Variants in MAST4 observed in about 807,000 individuals in gnomAD.
MAST4 encodes the protein microtubule-associated serine/threonine-protein kinase 4.
In MAST4, 89 loss-of-function variants were observed where a neutral mutation model predicts 162.7. The ratio of observed to expected loss-of-function variants is 0.55; its 90% CI spans 0.46 to 0.65. The LOEUF (loss-of-function observed/expected upper bound fraction) is 0.65, where lower values mean the gene tolerates loss of function less well. MAST4 is among the 30% of genes least tolerant of loss of function. The pLI, the probability that MAST4 is intolerant of heterozygous loss-of-function variation, is 0.00. For synonymous variants in MAST4, 1,479 were observed against 1,361.1 expected (o/e 1.09, Z -1.91); for missense variants, 3,153 against 3,374.0 (o/e 0.93, Z 1.62).
chr5:67,007,522 G>A lies in MAST4; in HGVS notation c.675-46882G>A, dbSNP rs111877999. Among the ~76,000 whole-genome samples the A allele has an allele frequency of 1.5e-3, 223 of 152,264 alleles. 1 individual carries two copies. Among genetic ancestry groups the A allele is most frequent in the African/African-American group, 5.1e-3 (214 of 41,554 alleles). ...TTTGAATATTTTATCCCATCTGTTT[G>A]TTCTGATTAACATTGTAATCTGGAG... On this transcript the variant is annotated intron_variant, in intron 4 of 28. Coordinates refer to ENST00000403625, the MANE Select transcript of MAST4 (RefSeq NM_001164664.2).
intron 2 of MAST4, among the ~76,000 whole-genome samples, chr5:66,763,628 AAG>A: frequency 6.6e-6 from 1 of 152,348 alleles, no homozygotes; most frequent in East Asian, 1.9e-4. Flanking sequence ...TTAATATTGA[AAG>A]AGACTCACAA....
At chr5:66,941,365 C>A (rs1486075374) in intron 4 of MAST4, among the ~76,000 whole-genome samples, 1 of 152,164 alleles carries the variant, frequency 6.6e-6, no homozygotes, top group Admixed American at 6.6e-5. Flanking sequence ...GGATATCTTG[C>A]TGCAGCTTCT....
chr5:66,731,525 A>C lies in MAST4; in HGVS notation c.364-28184A>C, dbSNP rs534478437. Reference sequence around the variant, plus strand: ...CAGAAAAAGAAAAAAATAGGTGCCCATCATTCTATTCAGCTTTTCTATGGC... The same window carrying C: ...CAGAAAAAGAAAAAAATAGGTGCCCCTCATTCTATTCAGCTTTTCTATGGC... On this transcript the variant is annotated intron_variant, in intron 1 of 28. Coordinates refer to ENST00000403625, the MANE Select transcript of MAST4 (RefSeq NM_001164664.2). Among the ~76,000 whole-genome samples, 69 of 152,030 alleles carry C rather than the reference A, an allele frequency of 4.5e-4. 2 individuals carry two copies. Among genetic ancestry groups the C allele is most frequent in the Admixed American group, 4.4e-3 (67 of 15,294 alleles).
intron 4 of MAST4, among the ~76,000 whole-genome samples, chr5:66,972,632 C>G (rs1279376405): frequency 6.6e-6 from 1 of 152,230 alleles, no homozygotes; most frequent in Admixed American, 6.5e-5. Flanking sequence ...TCCTATCCCA[C>G]CTTAGTCTGA....
chr5:66,872,578 T>C (rs942825055), intron 3 of MAST4, among the ~76,000 whole-genome samples: 2 of 152,064 alleles, frequency 1.3e-5, no homozygotes, highest in Admixed American at 1.3e-4. Flanking sequence ...GTCTAGGGCA[T>C]CCCTTCCCGC....
At chr5:67,069,324 TATTCCTTCTAA>T in intron 5 of MAST4, among the ~76,000 whole-genome samples, 1 of 101,504 alleles carries the variant, frequency 9.9e-6, no homozygotes, top group East Asian at 2.1e-4. Flanking sequence ...AATTTTAAAA[TATTCCTTCTAA>T]GGCTGTACCT....
chr5:67,094,214 A>G (rs1270251427), intron 6 of MAST4: 1 of 1,355,280 alleles, frequency 7.4e-7, no homozygotes, highest in East Asian at 2.4e-5. Flanking sequence ...TGATTTGTCC[A>G]CTTGAATTTT....
chr5:66,613,604 C>T (rs1479502789), intron 1 of MAST4, among the ~76,000 whole-genome samples: 2 of 152,058 alleles, frequency 1.3e-5, no homozygotes, highest in Non-Finnish European at 2.9e-5. Context: ...GCCAGGCTGC[C>T]CCAGGCCCCA....
chr5:67,163,662 G>A lies in MAST4; in HGVS notation c.4483G>A (p.Asp1495Asn), dbSNP rs1376421416. The A allele has an allele frequency of 1.9e-6, 3 of 1,608,256 alleles. No individual in the cohort carries two copies. The highest frequency in any genetic ancestry group is 2.5e-6 in the Non-Finnish European group (3 of 1,178,034). The change falls in exon 29 of 29, where the codon GAC becomes AAC. Residue 1495 changes from aspartate (D) to asparagine (N), a missense_variant. Around this residue, in one of 7 missense-constraint regions of MAST4, gnomAD observed 1,644 missense variants for 1,495.0 expected, o/e 1.10. Transcript: ENST00000403625. The surrounding 1 kb of genome is among the most constrained non-coding windows in gnomAD (Gnocchi z 7.0). The part of the protein sequence containing the change: ...PLQSLDENVC[D>N]VPPLSRARPV... ...GCAGAGCCTGGATGAGAACGTGTGCGACGTGCCGCCGCTCAGCCGCGCCCG... is the reference window on the plus strand; with the variant it reads ...GCAGAGCCTGGATGAGAACGTGTGCAACGTGCCGCCGCTCAGCCGCGCCCG...
At chr5:67,112,740 G>A (rs1766396457) in intron 11 of MAST4, among the ~76,000 whole-genome samples, 1 of 152,158 alleles carries the variant, frequency 6.6e-6, no homozygotes, top group Non-Finnish European at 1.5e-5. Context: ...AGCTCCCCAA[G>A]TGCAGTCTTT....
intron 5 of MAST4, among the ~76,000 whole-genome samples, chr5:67,058,252 A>C (rs1359074065): frequency 6.6e-6 from 1 of 152,078 alleles, no homozygotes; most frequent in African/African-American, 2.4e-5. Flanking sequence ...GGGGTCAAAA[A>C]CCTTTTTTAA....
intron 1 of MAST4, among the ~76,000 whole-genome samples, chr5:66,613,291 A>G (rs1461798840): frequency 1.3e-5 from 2 of 149,784 alleles, no homozygotes; most frequent in African/African-American, 4.9e-5. Context: ...TTGGGAAGAA[A>G]GTATGTTTGA....
intron 3 of MAST4, among the ~76,000 whole-genome samples, chr5:66,816,821 G>C (rs1292746397): frequency 6.6e-6 from 1 of 152,160 alleles, no homozygotes. Context: ...TGCACTTTGG[G>C]ATCACCTGGG....
In MAST4 at chr5:67,104,441, G is replaced by C; in HGVS notation, c.1222G>C (p.Asp408His). 6.2e-7 allele frequency: 1 copy of C among 1,613,930 alleles called. No individual in the cohort carries two copies. Among genetic ancestry groups the C allele is most frequent in the Non-Finnish European group, 8.5e-7 (1 of 1,179,832 alleles). ...YSPDNVLPLA[D>H]GVLSFTHHQI... ...TCCTGACAACGTTCTACCCTTAGCA[G>C]ATGGAGTGCTTAGTTTCACTCACCA... The change falls in exon 10 of 29, where the codon GAT (aspartate) becomes CAT (histidine). Residue 408 changes from aspartate (D) to histidine (H), a missense_variant. Around this residue, in one of 7 missense-constraint regions of MAST4, gnomAD observed 360 missense variants for 450.0 expected, o/e 0.80. Transcript: ENST00000403625.
intron 3 of MAST4, among the ~76,000 whole-genome samples, chr5:66,835,467 A>T (rs529546520): frequency 4.0e-5 from 6 of 151,884 alleles, no homozygotes; most frequent in African/African-American, 4.8e-5. Context: ...TTATTATATA[A>T]AAAAAAAGTT....
intron 10 of MAST4, 100 bp from the exon 11 acceptor site, chr5:67,109,998 T>G (rs1258349176): frequency 1.2e-6 from 1 of 806,190 alleles, no homozygotes; most frequent in African/African-American, 1.7e-5. Context: ...TACTCGATTT[T>G]TGAACATTTG....
At chr5:66,902,072 A>G (rs144232505) in intron 4 of MAST4, among the ~76,000 whole-genome samples, 1,808 of 152,322 alleles carry the variant, frequency 0.012, 16 homozygotes, top group Non-Finnish European at 0.02. Flanking sequence ...TTTACTGCAT[A>G]CATGCCTCCT....
intron 3 of MAST4, among the ~76,000 whole-genome samples, chr5:66,829,391 T>C (rs1186476940): frequency 6.6e-6 from 1 of 152,128 alleles, no homozygotes; most frequent in Non-Finnish European, 1.5e-5. Context: ...TGTAATTTGT[T>C]TATGTTGAGA....
intron 3 of MAST4, among the ~76,000 whole-genome samples, chr5:66,837,872 A>G (rs1327991647): frequency 1.9e-5 from 1 of 51,834 alleles, no homozygotes; most frequent in Non-Finnish European, 3.3e-5. Flanking sequence ...TTTTATATAT[A>G]TATATATATA....
Sources: gnomAD v4.1 joint callset for allele counts (sites outside exome capture counted in the v4.1 genomes callset) on GRCh38, gnomAD v4.1.1 for gene constraint, gnomAD v4.1.1 regional missense constraint, Gnocchi (gnomAD v3.1) non-coding constraint, MANE v1.5 for transcripts, NCBI Gene and HGNC (gene_info 2026-07-23, HGNC 2026-07-21) for gene names.